The following TANK variants were observed in gnomAD, a reference collection of about 807,000 sequenced individuals.
TANK encodes TRAF family member associated NFKB activator, also known as TRAF family member-associated NF-kappa-B activator.
A neutral mutation model predicts 43.6 loss-of-function variants in TANK; 15 were observed. The observed-to-expected ratio is 0.34, with a 90% CI of 0.23 to 0.53. The LOEUF is 0.53. TANK is among the 20% of genes least tolerant of loss of function. The pLI is 0.94. For missense variants in TANK, 417 were observed against 498.6 expected (o/e 0.84, Z 1.56); for synonymous variants, 162 against 178.2 (o/e 0.91, Z 0.73).
At chr2:161,200,528 G>A in intron 2 of TANK, 11 of 983,454 alleles carry the variant, frequency 1.1e-5, no homozygotes, top group Non-Finnish European at 1.3e-5. Flanking sequence ...CATAGTCTGT[G>A]GTCAAAATCT....
intron 1 of TANK, chr2:161,137,197 C>T (rs1054606620): frequency 8.1e-6 from 8 of 985,182 alleles, no homozygotes; most frequent in African/African-American, 3.5e-5. Context: ...TTCAATAATG[C>T]CTTTGTAGTT....
chr2:161,218,453 A>G (rs1004284827), intron 4 of TANK, among the ~76,000 whole-genome samples: 2 of 152,132 alleles, frequency 1.3e-5, no homozygotes, highest in African/African-American at 4.8e-5. Flanking sequence ...AATCACAGCT[A>G]CTCCGCCTGC....
intron 1 of TANK, among the ~76,000 whole-genome samples, chr2:161,139,086 G>A (rs1433383882): frequency 6.6e-6 from 1 of 151,904 alleles, no homozygotes; most frequent in Non-Finnish European, 1.5e-5. Flanking sequence ...CAATTTTATT[G>A]ATCCCTCATT....
intron 4 of TANK, among the ~76,000 whole-genome samples, chr2:161,213,699 T>TA (rs1439478910): frequency 1.3e-5 from 2 of 151,854 alleles, no homozygotes; most frequent in African/African-American, 4.8e-5. Context: ...CTGTTATTTT[T>TA]TTTTTTTTTG....
chr2:161,192,862 A>G (rs993452013), intron 2 of TANK, among the ~76,000 whole-genome samples: 2 of 152,242 alleles, frequency 1.3e-5, no homozygotes, highest in Non-Finnish European at 2.9e-5. Context: ...CAGAATCTAT[A>G]CTGAAACTAG....
chr2:161,148,565 G>C (rs1683983263), intron 1 of TANK, among the ~76,000 whole-genome samples: 1 of 152,070 alleles, frequency 6.6e-6, no homozygotes, highest in Non-Finnish European at 1.5e-5. Context: ...TGTTATTTTG[G>C]TATCATATCT....
At chr2:161,177,549 A>C (rs1239303133) in intron 1 of TANK, among the ~76,000 whole-genome samples, 1 of 152,126 alleles carries the variant, frequency 6.6e-6, no homozygotes. Context: ...AGTATGGATC[A>C]AAGACTTTAA....
intron 4 of TANK, chr2:161,211,914 TTA>T: frequency 1.0e-6 from 1 of 983,466 alleles, no homozygotes; most frequent in Non-Finnish European, 1.2e-6. Flanking sequence ...TACCCTATTT[TTA>T]TATATAATGC....
At chr2:161,224,841 T>C in intron 6 of TANK, 95 bp downstream of exon 6, 4 of 697,142 alleles carry the variant, frequency 5.7e-6, no homozygotes, top group Non-Finnish European at 9.3e-6. Context: ...CTATTAAGTG[T>C]GTAGCATCTG....
At chr2:161,232,307 CAGA>C (rs1158478621) in intron 7 of TANK, among the ~76,000 whole-genome samples, 1 of 152,078 alleles carries the variant, frequency 6.6e-6, no homozygotes, top group Non-Finnish European at 1.5e-5. Context: ...TTACAAAAAA[CAGA>C]AGCTTATGAA....
intron 2 of TANK, among the ~76,000 whole-genome samples, chr2:161,182,813 T>C (rs929339079): frequency 6.6e-6 from 1 of 152,184 alleles, no homozygotes; most frequent in Non-Finnish European, 1.5e-5. Flanking sequence ...TCTTGGTCAT[T>C]CTGTGCAGCA....
intron 2 of TANK, among the ~76,000 whole-genome samples, chr2:161,180,940 C>T (rs1185013000): frequency 6.7e-6 from 1 of 149,532 alleles, no homozygotes; most frequent in African/African-American, 2.5e-5. Flanking sequence ...CACATAGGCA[C>T]CCTCTTGTCA....
intron 1 of TANK, among the ~76,000 whole-genome samples, chr2:161,172,603 T>C (rs1437861632): frequency 1.3e-5 from 2 of 152,156 alleles, no homozygotes; most frequent in African/African-American, 4.8e-5. Context: ...CTGAAAATTT[T>C]CTTTCTGTCA....
chr2:161,176,829 G>T (rs770537197), intron 1 of TANK, among the ~76,000 whole-genome samples: 1 of 152,080 alleles, frequency 6.6e-6, no homozygotes, highest in Non-Finnish European at 1.5e-5. Context: ...AAAGGTACAG[G>T]TGTGGTTTAT....
intron 1 of TANK, among the ~76,000 whole-genome samples, chr2:161,173,554 T>C (rs995158264): frequency 6.6e-6 from 1 of 152,150 alleles, no homozygotes; most frequent in African/African-American, 2.4e-5. Flanking sequence ...ATGAAATGCG[T>C]AAATCTCTAG....
intron 6 of TANK, among the ~76,000 whole-genome samples, chr2:161,228,502 T>G (rs894470433): frequency 6.6e-6 from 1 of 151,854 alleles, no homozygotes. Context: ...TTGCACTCTA[T>G]CCAGCCTGGG....
At chr2:161,175,777 C>A (rs1354859322) in intron 1 of TANK, among the ~76,000 whole-genome samples, 4 of 152,094 alleles carry the variant, frequency 2.6e-5, no homozygotes, top group Non-Finnish European at 5.9e-5. Context: ...CAAGAACCGA[C>A]TGCCCTCAGT....
intron 1 of TANK, among the ~76,000 whole-genome samples, chr2:161,164,263 T>C (rs1047086789): frequency 2.0e-5 from 3 of 152,220 alleles, no homozygotes; most frequent in African/African-American, 7.2e-5. Flanking sequence ...CTGTTTATCC[T>C]TTTTGTTTTC....
chr2:161,211,719 C>A, intron 4 of TANK: 1 of 981,256 alleles, frequency 1.0e-6, no homozygotes, highest in Middle Eastern at 5.2e-4. Flanking sequence ...TTAATCTTTT[C>A]TATCTTTTAT....
Sources: gnomAD v4.1 joint callset for allele counts (sites outside exome capture counted in the v4.1 genomes callset) on GRCh38, gnomAD v4.1.1 for gene constraint, MANE v1.5 for transcripts, NCBI Gene and HGNC (gene_info 2026-07-23, HGNC 2026-07-21) for gene names.